Variants in MARCHF10 observed in about 807,000 individuals in gnomAD.
The protein encoded by MARCHF10 is membrane associated ring-CH-type finger 10.
Under a neutral mutation model 76.2 loss-of-function variants are expected in MARCHF10, and 64 were observed. That is an observed-to-expected ratio of 0.84 (90% CI 0.69 to 1.03). The LOEUF (loss-of-function observed/expected upper bound fraction) is 1.03, where lower values mean the gene tolerates loss of function less well. Among genes scored for constraint, MARCHF10 ranks in the 50% least tolerant of loss-of-function variants. MARCHF10 has a pLI of 0.00. For missense variants in MARCHF10, 875 were observed against 958.0 expected (o/e 0.91, Z 1.14); for synonymous variants, 340 against 357.5 (o/e 0.95, Z 0.55).
Position 62,803,881 on chromosome 17 carries a change from C to G in MARCHF10, c.-17-2129G>C, listed in dbSNP as rs28469128. ...TGTTCTAAGCAGTTACATCAATTAACTCATTCAATCTTCTCAACAACGCAG... is the reference window on the plus strand; with the variant it reads ...TGTTCTAAGCAGTTACATCAATTAAGTCATTCAATCTTCTCAACAACGCAG... On this transcript the variant is annotated intron_variant, in intron 1 of 10. Coordinates refer to ENST00000311269, the MANE Select transcript of MARCHF10 (RefSeq NM_152598.4). Among the ~76,000 whole-genome samples, 3 of 152,122 alleles carry G rather than the reference C, an allele frequency of 2.0e-5. No individual in the cohort carries two copies. In the South Asian group the frequency reaches 6.2e-4, roughly 31 times the overall value.
intron 8 of MARCHF10, chr17:62,714,541 T>G: frequency 3.5e-6 from 1 of 289,188 alleles, no homozygotes; most frequent in Non-Finnish European, 5.2e-6. Flanking sequence ...TCCTAGTGCC[T>G]GGCCCAGTGC....
chr17:62,802,044 G>A (rs2093083447), intron 1 of MARCHF10, among the ~76,000 whole-genome samples: 1 of 152,146 alleles, frequency 6.6e-6, no homozygotes, highest in Non-Finnish European at 1.5e-5. Context: ...CGGTTCTAGA[G>A]CATGACAAAA....
intron 9 of MARCHF10, among the ~76,000 whole-genome samples, chr17:62,708,772 C>A (rs1365669405): frequency 6.6e-6 from 1 of 152,130 alleles, no homozygotes. Context: ...TCCATAGTGC[C>A]AGGGACATGG....
At chr17:62,729,999 T>A (rs1001877078) in intron 6 of MARCHF10, among the ~76,000 whole-genome samples, 1 of 152,102 alleles carries the variant, frequency 6.6e-6, no homozygotes, top group East Asian at 1.9e-4. Flanking sequence ...CTGACCAACA[T>A]GGTGAAGCCC....
At chr17:62,788,185 GAT>G (rs1313720223) in intron 3 of MARCHF10, among the ~76,000 whole-genome samples, 1 of 152,110 alleles carries the variant, frequency 6.6e-6, no homozygotes, top group Non-Finnish European at 1.5e-5. Context: ...TTCTCATCTG[GAT>G]GGTGTCCCAT....
chr17:62,772,173 G>A (rs2092460707), intron 3 of MARCHF10, among the ~76,000 whole-genome samples: 1 of 152,158 alleles, frequency 6.6e-6, no homozygotes. Context: ...TGTCATGGGA[G>A]GGACCCGGTG....
At chr17:62,717,285 C>T (rs2090258341) in intron 8 of MARCHF10, among the ~76,000 whole-genome samples, 1 of 152,244 alleles carries the variant, frequency 6.6e-6, no homozygotes, top group South Asian at 2.1e-4. Flanking sequence ...GCCGCCCATG[C>T]TATGACCTGG....
chr17:62,722,450 AC>A, intron 8 of MARCHF10, 37 bp downstream of exon 8: 1 of 1,457,732 alleles, frequency 6.9e-7, no homozygotes, highest in Non-Finnish European at 9.6e-7. Context: ...CCTCTAACAT[AC>A]TTTAACCTGT....
At chr17:62,782,587 C>T (rs117542274) in intron 3 of MARCHF10, among the ~76,000 whole-genome samples, 4,145 of 151,918 alleles carry the variant, frequency 0.027, 69 homozygotes, top group East Asian at 0.059. Flanking sequence ...ACCTTGTGAT[C>T]GCCGGCCTTG....
chr17:62,705,676 C>A (rs1052728916), intron 9 of MARCHF10, 95 bp from the exon 10 acceptor site: 132 of 1,460,534 alleles, frequency 9.0e-5, no homozygotes, highest in Non-Finnish European at 1.2e-4. Flanking sequence ...TTCTAGGAAT[C>A]CCTTACACCA....
intron 3 of MARCHF10, among the ~76,000 whole-genome samples, chr17:62,775,464 G>A (rs1286920281): frequency 6.6e-6 from 1 of 150,742 alleles, no homozygotes; most frequent in Non-Finnish European, 1.5e-5. Context: ...TTGAACTACA[G>A]ACATTTGTAT....
At chr17:62,786,046 G>A (rs1460352370) in intron 3 of MARCHF10, among the ~76,000 whole-genome samples, 4 of 152,114 alleles carry the variant, frequency 2.6e-5, no homozygotes, top group Admixed American at 2.6e-4. Context: ...ATACCCAAAG[G>A]ATTATAAATC....
chr17:62,705,208 C>A, intron 10 of MARCHF10: 7 of 1,261,370 alleles, frequency 5.5e-6, no homozygotes, highest in Non-Finnish European at 7.0e-6. Context: ...AAAAACCAAC[C>A]CCCAAACTCT....
At chr17:62,792,804 T>TCCA (rs2092881569) in intron 2 of MARCHF10, among the ~76,000 whole-genome samples, 2 of 38,404 alleles carry the variant, frequency 5.2e-5, no homozygotes, top group African/African-American at 1.4e-4. Context: ...CACCACCACC[T>TCCA]CCATCACCAC....
At position 62,701,853 on chromosome 17, in the gene MARCHF10, C is replaced by G. The variant is rs1361886622; in HGVS notation, c.2372-95G>C. On this transcript the variant is annotated intron_variant, in intron 10 of 10. Coordinates refer to ENST00000311269, the MANE Select transcript of MARCHF10 (RefSeq NM_152598.4). ...CACTGCTGCTTCATCTTCTCCCACC[C>G]CATCCCTGAGGCCCAGCCACCCACA... 9.1e-6 allele frequency: 14 copies of G among 1,543,948 alleles called. No homozygotes were observed. In the Admixed American group the frequency reaches 1.5e-4, roughly 17 times the overall value.
intron 6 of MARCHF10, among the ~76,000 whole-genome samples, chr17:62,730,793 C>T (rs1197335084): frequency 6.6e-6 from 1 of 152,100 alleles, no homozygotes; most frequent in Admixed American, 6.6e-5. Flanking sequence ...ACTCGGGAGG[C>T]TGAGGCAGGA....
intron 6 of MARCHF10, 126 bp from the exon 7 acceptor site, chr17:62,725,230 C>T (rs2090698969): frequency 3.9e-6 from 3 of 770,080 alleles, no homozygotes; most frequent in Non-Finnish European, 5.8e-6. Flanking sequence ...CCCCCTCTGA[C>T]CCTAGTGAGA....
Position 62,701,618 on chromosome 17 carries a change from A to C in MARCHF10, c.*85T>G. 6.2e-7 allele frequency: 1 copy of C among 1,609,042 alleles called. No homozygotes were observed. Among genetic ancestry groups the C allele is most frequent in the African/African-American group, 1.3e-5 (1 of 74,986 alleles). ...CGCTTTGGTTTCAGTTTCAGTAAAG[A>C]GGAGGAGGGAGGGAGGCACTTGGGG... On this transcript the variant is annotated 3_prime_UTR_variant, in exon 11 of 11. Transcript: ENST00000311269.
At chr17:62,777,147 T>A (rs1368126350) in intron 3 of MARCHF10, among the ~76,000 whole-genome samples, 1 of 152,232 alleles carries the variant, frequency 6.6e-6, no homozygotes, top group Non-Finnish European at 1.5e-5. Context: ...ATTCTGGCTA[T>A]TACGGCGATA....
Sources: allele counts gnomAD v4.1 joint callset (sites outside exome capture counted in the v4.1 genomes callset), GRCh38; gene constraint gnomAD v4.1.1; transcripts MANE v1.5; gene names NCBI Gene and HGNC (gene_info 2026-07-23, HGNC 2026-07-21).